The following RCOR1 variants were observed in gnomAD, a reference collection of about 807,000 sequenced individuals.
RCOR1 encodes the protein REST corepressor 1.
RCOR1 carries 12 observed loss-of-function variants against 64.0 expected under a neutral mutation model. That is an observed-to-expected ratio of 0.19 (90% confidence interval 0.12 to 0.30). The LOEUF (loss-of-function observed/expected upper bound fraction) is 0.30, where lower values mean the gene tolerates loss of function less well. Among genes scored for constraint, RCOR1 ranks in the 10% least tolerant of loss-of-function variants. The pLI is 1.00. For synonymous variants in RCOR1, 279 were observed against 227.2 expected, an observed-to-expected ratio of 1.23 and a Z score of -2.05; for missense variants, 502 against 621.2, an observed-to-expected ratio of 0.81 and a Z score of 2.04.
intron 11 of RCOR1, among the ~76,000 whole-genome samples, chr14:102,723,459 A>G (rs1014826017): frequency 6.6e-6 from 1 of 152,210 alleles, no homozygotes; most frequent in Non-Finnish European, 1.5e-5. Context: ...ACACCATTGA[A>G]ACATATTAAA....
chr14:102,639,150 G>A (rs1894305556), intron 2 of RCOR1, among the ~76,000 whole-genome samples: 1 of 152,032 alleles, frequency 6.6e-6, no homozygotes, highest in Non-Finnish European at 1.5e-5. Context: ...AAAAGCATTT[G>A]GATGGTTTTC....
intron 2 of RCOR1, among the ~76,000 whole-genome samples, chr14:102,607,561 A>G (rs1392300400): frequency 6.6e-6 from 1 of 152,096 alleles, no homozygotes; most frequent in Non-Finnish European, 1.5e-5. Flanking sequence ...AGCCAGGCCA[A>G]TATGGTGAAA....
chr14:102,668,272 C>G (rs1034724698), intron 2 of RCOR1, among the ~76,000 whole-genome samples: 2 of 152,130 alleles, frequency 1.3e-5, no homozygotes, highest in Admixed American at 1.3e-4. Context: ...GTTACTGCTG[C>G]GGTAATGCAG....
chr14:102,651,125 G>A (rs756579931), intron 2 of RCOR1: 57 of 975,000 alleles, frequency 5.8e-5, no homozygotes, highest in Non-Finnish European at 6.8e-5. Context: ...GCTGAGACCA[G>A]CTCGGTCGGG....
chr14:102,657,478 T>TA, intron 2 of RCOR1: 4 of 984,112 alleles, frequency 4.1e-6, no homozygotes, highest in Non-Finnish European at 4.8e-6. Context: ...TTTTTGATAT[T>TA]AGAGATTTTG....
chr14:102,631,608 A>G (rs531424878), intron 2 of RCOR1, among the ~76,000 whole-genome samples: 1 of 152,236 alleles, frequency 6.6e-6, no homozygotes, highest in African/African-American at 2.4e-5. Context: ...TGTGGGTATC[A>G]TTATCATCTC....
chr14:102,675,306 T>C (rs1276407271), intron 2 of RCOR1, among the ~76,000 whole-genome samples: 1 of 152,160 alleles, frequency 6.6e-6, no homozygotes, highest in East Asian at 1.9e-4. Flanking sequence ...CCTGAAACTG[T>C]GGGTAGTACT....
At chr14:102,715,315 C>G (rs910413283) in intron 8 of RCOR1, among the ~76,000 whole-genome samples, 4 of 148,604 alleles carry the variant, frequency 2.7e-5, no homozygotes, top group Non-Finnish European at 4.5e-5. Flanking sequence ...TCATGATCCA[C>G]CCGCCTCGGC....
intron 2 of RCOR1, among the ~76,000 whole-genome samples, chr14:102,640,537 T>G (rs999434706): frequency 1.3e-5 from 2 of 152,200 alleles, no homozygotes; most frequent in African/African-American, 4.8e-5. Context: ...TGGTTGCAAT[T>G]TTTTAAAATT....
chr14:102,624,003 C>T (rs1398491065), intron 2 of RCOR1, among the ~76,000 whole-genome samples: 1 of 149,336 alleles, frequency 6.7e-6, no homozygotes, highest in African/African-American at 2.5e-5. Context: ...ACCATCCTGG[C>T]TAACATGGTG....
chr14:102,670,112 G>A (rs1944869038), intron 2 of RCOR1, among the ~76,000 whole-genome samples: 2 of 152,136 alleles, frequency 1.3e-5, no homozygotes, highest in South Asian at 2.1e-4. Context: ...CACCATGCCC[G>A]ACTAATTTTT....
At chr14:102,669,466 G>C (rs1894987317) in intron 2 of RCOR1, among the ~76,000 whole-genome samples, 1 of 152,118 alleles carries the variant, frequency 6.6e-6, no homozygotes, top group South Asian at 2.1e-4. Flanking sequence ...TCATGGGGAG[G>C]AAAAATGTTC....
At chr14:102,607,894 A>G (rs968255178) in intron 2 of RCOR1, among the ~76,000 whole-genome samples, 2 of 152,054 alleles carry the variant, frequency 1.3e-5, no homozygotes, top group South Asian at 2.1e-4. Flanking sequence ...GAAAAACCAC[A>G]AAGTACAAAA....
chr14:102,608,729 T>A (rs962400348), intron 2 of RCOR1, among the ~76,000 whole-genome samples: 87 of 151,106 alleles, frequency 5.8e-4, no homozygotes, highest in Admixed American at 7.9e-4. Context: ...GGCCTAATTT[T>A]AAAATTTTTT....
chr14:102,629,442 T>TCCCCCCCCCC (rs34832312), intron 2 of RCOR1, among the ~76,000 whole-genome samples: 2 of 145,960 alleles, frequency 1.4e-5, no homozygotes, highest in African/African-American at 5.2e-5. Context: ...CTTAACAGCC[T>TCCCCCCCCCC]CCCCCCCCCC....
chr14:102,704,415 A>T (rs1464001224), intron 4 of RCOR1, among the ~76,000 whole-genome samples: 1 of 152,254 alleles, frequency 6.6e-6, no homozygotes, highest in Non-Finnish European at 1.5e-5. Context: ...AATACAAAAC[A>T]AAAACCCTTC....
chr14:102,723,174 T>G (rs968852470), intron 11 of RCOR1, among the ~76,000 whole-genome samples: 1 of 152,256 alleles, frequency 6.6e-6, no homozygotes. Context: ...CATGGTAATT[T>G]AAGAATTAAT....
chr14:102,665,328 T>TAA (rs1567428143), intron 2 of RCOR1, among the ~76,000 whole-genome samples: 26 of 150,460 alleles, frequency 1.7e-4, no homozygotes, highest in African/African-American at 6.5e-4. Context: ...TTTTTTTTTT[T>TAA]TTAAATAAAA....
At chr14:102,678,716 A>G (rs968664553) in intron 2 of RCOR1, among the ~76,000 whole-genome samples, 3 of 152,222 alleles carry the variant, frequency 2.0e-5, no homozygotes, top group Non-Finnish European at 1.5e-5. Flanking sequence ...AAACTTTCCC[A>G]GAATGGCTTT....
Sources: allele counts gnomAD v4.1 joint callset (sites outside exome capture counted in the v4.1 genomes callset), GRCh38; gene constraint gnomAD v4.1.1; transcripts MANE v1.5; gene names NCBI Gene and HGNC (gene_info 2026-07-23, HGNC 2026-07-21).